TENM2: variants seen among roughly 807,000 people sequenced by gnomAD.
The protein encoded by TENM2 is teneurin-2.
TENM2 carries 52 observed loss-of-function variants against 245.2 expected under a neutral mutation model. That is an observed-to-expected ratio of 0.21 (90% CI 0.17 to 0.27). TENM2 has a LOEUF of 0.27. TENM2 is among the 10% of genes least tolerant of loss of function. The pLI is 1.00. For synonymous variants in TENM2, 1,363 were observed against 1,438.9 expected (o/e 0.95, Z 1.19); for missense variants, 3,046 against 3,666.8 (o/e 0.83, Z 4.37).
At chr5:168,002,120 T>C (rs138733480) in intron 5 of TENM2, among the ~76,000 whole-genome samples, 245 of 152,368 alleles carry the variant, frequency 1.6e-3, no homozygotes, top group African/African-American at 5.6e-3. Flanking sequence ...TGTTTGTTTC[T>C]AAAAACCAAA....
At chr5:168,031,423 C>T (rs551336258) in intron 5 of TENM2, among the ~76,000 whole-genome samples, 3 of 152,296 alleles carry the variant, frequency 2.0e-5, no homozygotes, top group South Asian at 4.1e-4. Context: ...TCCAGACAGA[C>T]CATATTCCTT....
At chr5:166,992,295 C>T in the TENM2 span, among the ~76,000 whole-genome samples, 1 of 152,112 alleles carries the variant, frequency 6.6e-6, no homozygotes, top group Non-Finnish European at 1.5e-5. Context: ...CCGCAAAAGC[C>T]TCTTTTCCGA....
At chr5:168,056,918 T>G (rs1432565114) in intron 6 of TENM2, among the ~76,000 whole-genome samples, 3 of 152,088 alleles carry the variant, frequency 2.0e-5, no homozygotes, top group Non-Finnish European at 2.9e-5. Flanking sequence ...GTATACCATA[T>G]AGCCTAGGTA....
In TENM2 at chr5:167,422,389, G is replaced by A. The variant is rs1169593419; in HGVS notation, c.502+46916G>A. ...TCTAGTTATTCATGCAGATCAACAC[G>A]TCCATGATTTAAGCCGTGAGCTTTT... On this transcript the variant is annotated intron_variant, in intron 2 of 28. Coordinates refer to ENST00000518659, the Ensembl canonical transcript of TENM2. 4.6e-5 allele frequency among the ~76,000 whole-genome samples: 7 copies of A among 152,116 alleles called. No homozygotes were observed. In the South Asian group the frequency reaches 8.3e-4, roughly 18 times the overall value.
intron 19 of TENM2, among the ~76,000 whole-genome samples, chr5:168,211,328 C>T (rs1241402925): frequency 2.0e-5 from 3 of 152,216 alleles, no homozygotes; most frequent in Non-Finnish European, 4.4e-5. Flanking sequence ...TCACAGTACT[C>T]TTTATACCTG....
At chr5:167,349,546 T>C (rs1758689713) in intron 1 of TENM2, among the ~76,000 whole-genome samples, 1 of 152,160 alleles carries the variant, frequency 6.6e-6, no homozygotes, top group African/African-American at 2.4e-5. Context: ...CATGTATATA[T>C]AGATACATAG....
chr5:167,721,326 C>CT (rs2150518945), intron 2 of TENM2: 1 of 151,854 alleles, frequency 6.6e-6, no homozygotes, highest in Non-Finnish European at 1.5e-5. Context: ...CTTACATATT[C>CT]TTTTTTTCTA....
At chr5:167,883,208 C>A (rs1485520312) in intron 3 of TENM2, among the ~76,000 whole-genome samples, 1 of 152,114 alleles carries the variant, frequency 6.6e-6, no homozygotes, top group Non-Finnish European at 1.5e-5. Context: ...CTCCCAAAGA[C>A]CCTCACCCTG....
At chr5:167,189,990 A>G in the TENM2 span, among the ~76,000 whole-genome samples, 4 of 152,072 alleles carry the variant, frequency 2.6e-5, no homozygotes, top group African/African-American at 9.7e-5. Flanking sequence ...GAACTCATAA[A>G]ACTCCTAATA....
At chr5:167,715,796 C>A (rs1415550360) in intron 2 of TENM2, among the ~76,000 whole-genome samples, 1 of 152,154 alleles carries the variant, frequency 6.6e-6, no homozygotes, top group Non-Finnish European at 1.5e-5. Flanking sequence ...ATAGAACATG[C>A]AAGCTTCTGA....
At chr5:167,068,034 A>G in the TENM2 span, among the ~76,000 whole-genome samples, 1 of 152,164 alleles carries the variant, frequency 6.6e-6, no homozygotes, top group Non-Finnish European at 1.5e-5. Context: ...TTGGTCAAAC[A>G]CTTTCCTCAG....
chr5:167,030,539 C>T, the TENM2 span, among the ~76,000 whole-genome samples: 11 of 152,166 alleles, frequency 7.2e-5, no homozygotes, highest in African/African-American at 2.7e-4. Flanking sequence ...ATACTTGGCG[C>T]GTGACCTGTG....
At chr5:167,413,686 T>A (rs10067798) in intron 2 of TENM2, among the ~76,000 whole-genome samples, 66,797 of 151,956 alleles carry the variant, frequency 0.44, 15,160 homozygotes, top group Admixed American at 0.5. Context: ...ACCAGTAAGA[T>A]TTACAGCCAG....
chr5:167,218,943 C>T, the TENM2 span, among the ~76,000 whole-genome samples: 1 of 152,184 alleles, frequency 6.6e-6, no homozygotes, highest in African/African-American at 2.4e-5. Context: ...TGCCCAATGT[C>T]ACATAGGAAG....
At chr5:167,747,188 C>T (rs1480681883) in intron 2 of TENM2, among the ~76,000 whole-genome samples, 2 of 152,100 alleles carry the variant, frequency 1.3e-5, no homozygotes, top group Admixed American at 1.3e-4. Flanking sequence ...AATAAAGAAC[C>T]TTTCAAGCCA....
chr5:167,841,780 A>G (rs759308430), intron 2 of TENM2, among the ~76,000 whole-genome samples: 21 of 152,076 alleles, frequency 1.4e-4, no homozygotes, highest in Non-Finnish European at 2.6e-4. Context: ...AGGATCACAT[A>G]TTGCATTTAG....
intron 1 of TENM2, among the ~76,000 whole-genome samples, chr5:167,293,001 G>T (rs760518650): frequency 5.9e-5 from 9 of 152,176 alleles, no homozygotes; most frequent in Non-Finnish European, 1.2e-4. Flanking sequence ...AGAAGTGTAG[G>T]TTGGATGAGC....
chr5:167,055,629 T>G, the TENM2 span, among the ~76,000 whole-genome samples: 1 of 152,098 alleles, frequency 6.6e-6, no homozygotes, highest in Non-Finnish European at 1.5e-5. Flanking sequence ...GTGCATATTT[T>G]GTCATATTTA....
chr5:167,782,330 A>G (rs1764251040), intron 2 of TENM2, among the ~76,000 whole-genome samples: 1 of 151,234 alleles, frequency 6.6e-6, no homozygotes, highest in South Asian at 2.1e-4. Context: ...AAAAAAAAAA[A>G]AAAAAAAAAT....
Sources: gnomAD v4.1 joint callset for allele counts (sites outside exome capture counted in the v4.1 genomes callset) on GRCh38, gnomAD v4.1.1 for gene constraint, MANE v1.5 for transcripts, NCBI Gene and HGNC (gene_info 2026-07-23, HGNC 2026-07-21) for gene names.